PLEK2: variants seen among roughly 807,000 people sequenced by gnomAD.
PLEK2 encodes pleckstrin 2.
In PLEK2, 29 loss-of-function variants were observed where a neutral mutation model predicts 43.8. The ratio of observed to expected loss-of-function variants is 0.66; its 90% CI spans 0.49 to 0.90. The LOEUF (loss-of-function observed/expected upper bound fraction) is 0.90. PLEK2 is among the 40% of genes least tolerant of loss of function. PLEK2 has a pLI of 0.00. For missense variants in PLEK2, 398 were observed against 448.1 expected, an observed-to-expected ratio of 0.89 and a Z score of 1.01; for synonymous variants, 162 against 173.2, an observed-to-expected ratio of 0.94 and a Z score of 0.51.
chr14:67,393,330 G>C (rs2085982701), intron 3 of PLEK2, 89 bp from the exon 4 acceptor site: 1 of 866,842 alleles, frequency 1.2e-6, no homozygotes, highest in Non-Finnish European at 2.0e-6. Context: ...AGGGTATAAA[G>C]CAAGTGGCAA....
chr14:67,400,373 G>C (rs768238483), intron 1 of PLEK2, among the ~76,000 whole-genome samples: 45 of 152,162 alleles, frequency 3.0e-4, no homozygotes, highest in Non-Finnish European at 5.3e-4. Flanking sequence ...TCCACATGTA[G>C]TATGGGCATT....
Position 67,409,332 on chromosome 14 carries a change from C to T in PLEK2, c.42+2686G>A, listed in dbSNP as rs113051225. On this transcript the variant is annotated intron_variant, in intron 1 of 8. Coordinates refer to ENST00000216446, the MANE Select transcript of PLEK2 (RefSeq NM_016445.3). ...GCCAAGGCCAGGGGATCACTTGAGC[C>T]AGGAGTTTGAGACCAGCCTGGGCAA... 1.8e-3 allele frequency among the ~76,000 whole-genome samples: 273 copies of T among 151,882 alleles called. 1 individual carries two copies. The highest frequency in any genetic ancestry group is 6.5e-3 in the African/African-American group (267 of 41,382).
rs766483653 is a variant in PLEK2 at position 67,393,152 on chromosome 14, A to C, written c.479T>G (p.Leu160Arg). The change falls in exon 4 of 9, where the codon CTC becomes CGC. Residue 160 changes from leucine to arginine, a missense_variant and splice_region_variant. By Grantham distance (102) the Leu-to-Arg change is moderately radical (BLOSUM62 -2). Coordinates refer to ENST00000216446, the MANE Select transcript of PLEK2 (RefSeq NM_016445.3). ...EQGSTYKKTF[L>R]GSSLVDWLIS... is the part of the protein sequence containing the mutation. Reference sequence around the variant, plus strand: ...CCGGCCCTGGGGGACAGGCTCACCGAGGAAGGTCTTTTTATAGGTGCTTCC... The same window carrying C: ...CCGGCCCTGGGGGACAGGCTCACCGCGGAAGGTCTTTTTATAGGTGCTTCC... The C allele has an allele frequency of 3.3e-4, 539 of 1,609,378 alleles. No homozygotes were observed. The highest frequency in any genetic ancestry group is 4.1e-4 in the Non-Finnish European group (484 of 1,175,766).
intron 3 of PLEK2, among the ~76,000 whole-genome samples, chr14:67,394,154 C>A (rs116890553): frequency 0.012 from 1,825 of 152,268 alleles, 18 homozygotes; most frequent in Non-Finnish European, 0.018. Context: ...TTTTCTTCTC[C>A]TTATCTAAAT....
rs768580282 is a variant in PLEK2, at chr14:67,388,288, T to C, written c.870A>G (p.Pro290=). 34 of 1,611,578 alleles carry C rather than the reference T, an allele frequency of 2.1e-5. No homozygotes were observed. The South Asian group carries it at 3.6e-4, about 17-fold the overall frequency. The stretch of plus-strand genomic sequence containing the variant: ...AACCACGAAGAGAAAACCCACCCAC[T>C]GGCCTGTTCTCTTCCTGTAGAGGAA... ...YYDPSKEENR[P]VGGFSLRGSL... The change falls in exon 8 of 9, where the codon CCA becomes CCG. Residue 290 remains proline, a synonymous_variant. Coordinates refer to ENST00000216446, the MANE Select transcript of PLEK2 (RefSeq NM_016445.3).
intron 3 of PLEK2, among the ~76,000 whole-genome samples, chr14:67,393,574 C>A (rs2085985280): frequency 6.6e-6 from 1 of 152,138 alleles, no homozygotes; most frequent in Admixed American, 6.5e-5. Flanking sequence ...CTGCCTCAAC[C>A]TCCGGAGCAG....
chr14:67,407,886 T>C (rs1286901352), intron 1 of PLEK2, among the ~76,000 whole-genome samples: 2 of 152,158 alleles, frequency 1.3e-5, no homozygotes, highest in African/African-American at 4.8e-5. Flanking sequence ...GCCAGGAAGT[T>C]CGCTTGAGCT....
intron 1 of PLEK2, among the ~76,000 whole-genome samples, chr14:67,411,299 G>A (rs1051395474): frequency 6.6e-6 from 1 of 152,170 alleles, no homozygotes; most frequent in African/African-American, 2.4e-5. Context: ...GGGAAGGACT[G>A]AGGAGGGGAG....
chr14:67,400,164 T>C (rs566011853), intron 1 of PLEK2, among the ~76,000 whole-genome samples: 34 of 152,356 alleles, frequency 2.2e-4, no homozygotes, highest in African/African-American at 8.2e-4. Flanking sequence ...AACTGAGCTT[T>C]GTGAACACTG....
intron 7 of PLEK2, among the ~76,000 whole-genome samples, chr14:67,388,714 C>T (rs2085945321): frequency 6.6e-6 from 1 of 152,114 alleles, no homozygotes; most frequent in Non-Finnish European, 1.5e-5. Context: ...GAGTCTCACT[C>T]TGTCTTTCAG....
intron 7 of PLEK2, among the ~76,000 whole-genome samples, chr14:67,389,850 A>G (rs117137724): frequency 1.3e-4 from 19 of 151,992 alleles, no homozygotes; most frequent in Non-Finnish European, 2.6e-4. Flanking sequence ...GTAGCCAGAA[A>G]GGAAGGAGTT....
At chr14:67,396,261 C>CAT in intron 2 of PLEK2, among the ~76,000 whole-genome samples, 1 of 151,874 alleles carries the variant, frequency 6.6e-6, no homozygotes, top group African/African-American at 2.4e-5. Context: ...AATTCTCCTG[C>CAT]CTCAGCCTCT....
At chr14:67,410,185 C>T (rs2086107869) in intron 1 of PLEK2, among the ~76,000 whole-genome samples, 1 of 152,026 alleles carries the variant, frequency 6.6e-6, no homozygotes, top group Non-Finnish European at 1.5e-5. Flanking sequence ...TGTGGCTCTG[C>T]CCTTAGCCCT....
intron 7 of PLEK2, 94 bp from the exon 8 acceptor site, chr14:67,388,396 G>A: frequency 2.6e-6 from 2 of 773,176 alleles, no homozygotes; most frequent in Non-Finnish European, 4.7e-6. Context: ...AAAGAAGTGA[G>A]TGCAAATCAT....
chr14:67,400,669 G>T (rs2086041948), intron 1 of PLEK2, among the ~76,000 whole-genome samples: 1 of 151,916 alleles, frequency 6.6e-6, no homozygotes, highest in Admixed American at 6.6e-5. Flanking sequence ...GGAGGGAGGT[G>T]GGAGGTGGAG....
intron 1 of PLEK2, among the ~76,000 whole-genome samples, chr14:67,408,766 CCTT>C (rs1302378769): frequency 1.3e-5 from 2 of 152,284 alleles, no homozygotes; most frequent in East Asian, 3.9e-4. Context: ...CTCCAGAACT[CCTT>C]CTGCTCTTTT....
At chr14:67,389,069 A>T (rs1224094647) in intron 7 of PLEK2, among the ~76,000 whole-genome samples, 1 of 151,846 alleles carries the variant, frequency 6.6e-6, no homozygotes, top group African/African-American at 2.4e-5. Context: ...ACTTCGTGTG[A>T]TACAAAACTG....
intron 8 of PLEK2, 126 bp downstream of exon 8, chr14:67,388,098 A>G (rs984241174): frequency 1.6e-6 from 1 of 620,002 alleles, no homozygotes; most frequent in Non-Finnish European, 2.9e-6. Context: ...CAAAACTCAC[A>G]CCACTCTGTC....
intron 1 of PLEK2, among the ~76,000 whole-genome samples, chr14:67,402,134 AAAC>A (rs965328951): frequency 7.2e-5 from 11 of 152,170 alleles, no homozygotes; most frequent in African/African-American, 2.2e-4. Flanking sequence ...AGTCCATCTC[AAAC>A]AACAACAACA....
Sources: allele counts gnomAD v4.1 joint callset (sites outside exome capture counted in the v4.1 genomes callset), GRCh38; gene constraint gnomAD v4.1.1; transcripts MANE v1.5; gene names NCBI Gene and HGNC (gene_info 2026-07-23, HGNC 2026-07-21).